UNC5C: variants seen among roughly 807,000 people sequenced by gnomAD.
UNC5C encodes netrin receptor UNC5C.
UNC5C carries 47 observed loss-of-function variants against 99.8 expected under a neutral mutation model. That is an observed-to-expected ratio of 0.47 (90% CI 0.37 to 0.60). The LOEUF is 0.60. UNC5C is among the 20% of genes least tolerant of loss of function. The pLI, the probability that UNC5C is intolerant of heterozygous loss-of-function variation, is 0.00. For synonymous variants in UNC5C, 487 were observed against 452.2 expected (o/e 1.08, Z -0.98); for missense variants, 1,062 against 1,165.9 (o/e 0.91, Z 1.30).
intron 4 of UNC5C, among the ~76,000 whole-genome samples, chr4:95,263,695 T>C (rs1022378072): frequency 1.1e-4 from 16 of 152,190 alleles, no homozygotes; most frequent in African/African-American, 3.9e-4. Context: ...TCACATAAAA[T>C]CACTCAACCT....
chr4:95,345,243 AAGAG>A (rs1743728365), intron 1 of UNC5C, among the ~76,000 whole-genome samples: 1 of 151,984 alleles, frequency 6.6e-6, no homozygotes, highest in Non-Finnish European at 1.5e-5. Context: ...AAACTATATA[AAGAG>A]AGAGAGAAAG....
intron 1 of UNC5C, 21 bp downstream of exon 1, chr4:95,548,713 G>A (rs2149499027): frequency 3.7e-6 from 6 of 1,611,182 alleles, no homozygotes; most frequent in Admixed American, 1.7e-5. Flanking sequence ...GGTGGCCGCG[G>A]AGCTTGGCGG....
At chr4:95,480,507 C>G (rs1460588154) in intron 1 of UNC5C, among the ~76,000 whole-genome samples, 5 of 151,822 alleles carry the variant, frequency 3.3e-5, no homozygotes, top group African/African-American at 1.2e-4. Context: ...ATGTCATTTT[C>G]TACCATTATA....
rs77395160 is a variant in UNC5C, at chr4:95,290,660, T to G, written c.490+10946A>C. Among the ~76,000 whole-genome samples the G allele has an allele frequency of 4.3e-3, 648 of 152,336 alleles. 2 individuals are homozygous for G. The highest frequency in any genetic ancestry group is 0.015 in the African/African-American group (613 of 41,570). On this transcript the variant is annotated intron_variant, in intron 3 of 15. Transcript: ENST00000453304. ...ATGATAGTTAACATGAACAAGGGTC[T>G]TATAACAGAGTTAGGCATACAGTAA... is the stretch of plus-strand genomic sequence containing the variant.
chr4:95,268,367 T>C (rs551368317), intron 4 of UNC5C, among the ~76,000 whole-genome samples: 3 of 152,354 alleles, frequency 2.0e-5, no homozygotes, highest in South Asian at 4.1e-4. Flanking sequence ...AAAAGGGCAA[T>C]GTAATGTTTT....
At chr4:95,229,680 C>T (rs1458290788) in intron 7 of UNC5C, among the ~76,000 whole-genome samples, 2 of 151,176 alleles carry the variant, frequency 1.3e-5, no homozygotes, top group African/African-American at 4.9e-5. Flanking sequence ...ATTTCTGGTT[C>T]TAGATCCTTG....
chr4:95,170,028 G>A, intron 15 of UNC5C, 126 bp downstream of exon 15: 1 of 1,294,248 alleles, frequency 7.7e-7, no homozygotes, highest in Admixed American at 2.3e-5. Flanking sequence ...ATGCATATTT[G>A]CAAAATGAAA....
At chr4:95,406,789 A>G (rs1030708666) in intron 1 of UNC5C, among the ~76,000 whole-genome samples, 1 of 152,230 alleles carries the variant, frequency 6.6e-6, no homozygotes, top group Non-Finnish European at 1.5e-5. Context: ...TCAAATCTTA[A>G]GGTTTCAAAA....
chr4:95,240,669 C>T (rs1045480648), intron 7 of UNC5C, among the ~76,000 whole-genome samples: 2 of 152,172 alleles, frequency 1.3e-5, no homozygotes, highest in African/African-American at 2.4e-5. Context: ...AAATCTCCTC[C>T]TATAGCCTCA....
At chr4:95,184,971 T>C (rs749164827) in intron 13 of UNC5C, 76 bp downstream of exon 13, 1 of 1,374,418 alleles carries the variant, frequency 7.3e-7, no homozygotes, top group Non-Finnish European at 9.6e-7. Context: ...AGGAAGGGGA[T>C]TTCCTATGTC....
intron 3 of UNC5C, among the ~76,000 whole-genome samples, chr4:95,298,685 A>G (rs1480939693): frequency 2.0e-5 from 3 of 152,050 alleles, no homozygotes; most frequent in Admixed American, 6.6e-5. Flanking sequence ...TCTAGACCTG[A>G]TGATCATTCA....
At position 95,251,809 on chromosome 4, in the gene UNC5C, A is replaced by T. The variant is rs74344673; in HGVS notation, c.595-1142T>A. Reference sequence around the variant, plus strand: ...TGGGTTTGACATTGCACAACTCTAAATTACACTTAAGGCAGGGACTCTCAA... The same window carrying T: ...TGGGTTTGACATTGCACAACTCTAATTTACACTTAAGGCAGGGACTCTCAA... On this transcript the variant is annotated intron_variant, in intron 4 of 15. Transcript: ENST00000453304. 5.3e-3 allele frequency among the ~76,000 whole-genome samples: 811 copies of T among 152,306 alleles called. 13 individuals are homozygous for T. Among genetic ancestry groups the T allele is most frequent in the African/African-American group, 0.017 (698 of 41,556 alleles).
chr4:95,404,307 T>C (rs2149449533), intron 1 of UNC5C, among the ~76,000 whole-genome samples: 1 of 152,216 alleles, frequency 6.6e-6, no homozygotes, highest in African/African-American at 2.4e-5. Flanking sequence ...GATTAGCTGC[T>C]GGTATTGATG....
At chr4:95,363,766 C>T (rs552089418) in intron 1 of UNC5C, among the ~76,000 whole-genome samples, 2 of 152,200 alleles carry the variant, frequency 1.3e-5, no homozygotes, top group South Asian at 4.1e-4. Context: ...GCTACAGTAC[C>T]CCTTGACACC....
intron 1 of UNC5C, among the ~76,000 whole-genome samples, chr4:95,342,135 C>G (rs1380647576): frequency 6.6e-6 from 1 of 152,124 alleles, no homozygotes; most frequent in African/African-American, 2.4e-5. Flanking sequence ...GGCTCGGAAC[C>G]ACTGGACTTG....
chr4:95,235,812 T>G (rs1301903690), intron 7 of UNC5C, among the ~76,000 whole-genome samples: 1 of 152,176 alleles, frequency 6.6e-6, no homozygotes, highest in Admixed American at 6.5e-5. Context: ...AAGACATTTA[T>G]GCAGCCAAAA....
intron 2 of UNC5C, among the ~76,000 whole-genome samples, chr4:95,320,222 G>C (rs905574459): frequency 6.6e-6 from 1 of 152,040 alleles, no homozygotes; most frequent in African/African-American, 2.4e-5. Context: ...AGGAGTTCGA[G>C]ACCAGCCTGG....
At chr4:95,311,268 C>T (rs1266752804) in intron 2 of UNC5C, among the ~76,000 whole-genome samples, 8 of 151,956 alleles carry the variant, frequency 5.3e-5, no homozygotes, top group Non-Finnish European at 1.2e-4. Context: ...TAACTTATGC[C>T]TTGTGTGTCA....
chr4:95,546,617 C>T (rs967562476), intron 1 of UNC5C, among the ~76,000 whole-genome samples: 1 of 152,184 alleles, frequency 6.6e-6, no homozygotes, highest in Non-Finnish European at 1.5e-5. Flanking sequence ...GAAATGCATA[C>T]ACCCAACGGA....
Sources: allele counts gnomAD v4.1 joint callset (sites outside exome capture counted in the v4.1 genomes callset), GRCh38; gene constraint gnomAD v4.1.1; transcripts MANE v1.5; gene names NCBI Gene and HGNC (gene_info 2026-07-23, HGNC 2026-07-21).